Variants in DACH1 observed in about 807,000 individuals in gnomAD.
DACH1 encodes dachshund homolog 1.
A neutral mutation model predicts 54.2 loss-of-function variants in DACH1; 12 were observed. That is an observed-to-expected ratio of 0.22 (90% confidence interval 0.14 to 0.36). The LOEUF (loss-of-function observed/expected upper bound fraction) is 0.36. Among genes scored for constraint, DACH1 ranks in the 10% least tolerant of loss-of-function variants. DACH1 has a pLI of 1.00. For synonymous variants in DACH1, 386 were observed against 366.2 expected (o/e 1.05, Z -0.62); for missense variants, 805 against 929.8 (o/e 0.87, Z 1.75).
Position 71,529,189 on chromosome 13 carries a change from T to TGTTTGTTTG in DACH1, c.1570+27834_1570+27835insCAAACAAAC, listed in dbSNP as rs1298937150. ...AAACAATATTGTGATTTGGGTTTTT[T>TGTTTGTTTG]TTTTTTTTTTTTTTTGAGGCAGAAT... On this transcript the variant is annotated intron_variant, in intron 6 of 10. Transcript: ENST00000613252. Among the ~76,000 whole-genome samples, 982 of 146,704 alleles carry TGTTTGTTTG rather than the reference T, an allele frequency of 6.7e-3. 21 individuals are homozygous for TGTTTGTTTG. Among genetic ancestry groups the TGTTTGTTTG allele is most frequent in the African/African-American group, 0.024 (929 of 39,244 alleles).
chr13:71,467,927 G>T (rs1876737139), intron 10 of DACH1, among the ~76,000 whole-genome samples: 1 of 152,084 alleles, frequency 6.6e-6, no homozygotes, highest in African/African-American at 2.4e-5. Flanking sequence ...CTAATCAATA[G>T]TCAATATGCA....
intron 3 of DACH1, among the ~76,000 whole-genome samples, chr13:71,574,483 C>T (rs1182786799): frequency 6.6e-6 from 1 of 152,084 alleles, no homozygotes; most frequent in African/African-American, 2.4e-5. Flanking sequence ...CAATTTAATG[C>T]TTTAGCTCTG....
At chr13:71,462,776 G>T (rs1876192067) in intron 10 of DACH1, among the ~76,000 whole-genome samples, 1 of 151,714 alleles carries the variant, frequency 6.6e-6, no homozygotes, top group African/African-American at 2.4e-5. Flanking sequence ...ATCAAACAGT[G>T]TAATTTACAC....
intron 1 of DACH1, among the ~76,000 whole-genome samples, chr13:71,754,235 C>G (rs181772231): frequency 6.6e-6 from 1 of 152,130 alleles, no homozygotes; most frequent in East Asian, 1.9e-4. Context: ...CCTCTCTGAT[C>G]GTGCCCATTT....
Position 71,866,526 on chromosome 13 carries a change from TGCCGCC to T in DACH1, c.238_243del (p.Gly80_Gly81del), listed in dbSNP as rs748058171. The T allele has an allele frequency of 5.8e-5, 71 of 1,233,910 alleles. No homozygotes were observed. Among genetic ancestry groups the T allele is most frequent in the East Asian group, 5.4e-4 (16 of 29,434 alleles). 76.4% of individuals were successfully genotyped at this position (1,233,910 alleles called of 1,614,324 possible). ...CCGCTGCTGCCGCCGCCGCCTCCGCTGCCGCCGCCGCCGCCGCCGCCGCCGGTAGAG... is the reference window on the plus strand; with the variant it reads ...CCGCTGCTGCCGCCGCCGCCTCCGCTGCCGCCGCCGCCGCCGCCGGTAGAG... On this transcript the variant is annotated inframe_deletion, in exon 1 of 11. Coordinates refer to ENST00000613252, the MANE Select transcript of DACH1 (RefSeq NM_080759.6).
intron 3 of DACH1, 105 bp downstream of exon 3, chr13:71,630,451 T>A: frequency 7.0e-7 from 1 of 1,436,576 alleles, no homozygotes. Flanking sequence ...AAGCTAAAAG[T>A]GCCAACTTTT....
chr13:71,836,056 G>C (rs1361277502), intron 1 of DACH1, among the ~76,000 whole-genome samples: 1 of 151,928 alleles, frequency 6.6e-6, no homozygotes, highest in Non-Finnish European at 1.5e-5. Flanking sequence ...GTTTATCATA[G>C]GTACTCAGAT....
rs889396894 is a variant in DACH1, at chr13:71,754,792, C to T, written c.849-72882G>A. 4.0e-5 allele frequency among the ~76,000 whole-genome samples: 6 copies of T among 149,008 alleles called. No individual in the cohort carries two copies. The South Asian group carries it at 1.0e-3, about 26-fold the overall frequency. On this transcript the variant is annotated intron_variant, in intron 1 of 10. Coordinates refer to ENST00000613252, the MANE Select transcript of DACH1 (RefSeq NM_080759.6). ...GCACAACTCTGCAAAACGTAAAAAA[C>T]GCCACTATCTGGTGATTCACTGCAT...
At chr13:71,477,319 C>T (rs878957528) in intron 8 of DACH1, among the ~76,000 whole-genome samples, 4 of 151,222 alleles carry the variant, frequency 2.6e-5, no homozygotes, top group Admixed American at 2.6e-4. Context: ...GGCGCGGTTT[C>T]ACCTTGTTAG....
intron 3 of DACH1, among the ~76,000 whole-genome samples, chr13:71,628,253 T>C (rs1038291599): frequency 6.6e-6 from 1 of 152,034 alleles, no homozygotes; most frequent in Non-Finnish European, 1.5e-5. Context: ...CCTTCACCAC[T>C]GCTTTGTACC....
intron 6 of DACH1, among the ~76,000 whole-genome samples, chr13:71,528,713 A>G (rs983130474): frequency 6.6e-6 from 1 of 152,066 alleles, no homozygotes; most frequent in African/African-American, 2.4e-5. Flanking sequence ...GTTTCCCTTC[A>G]TGATAGTTGT....
At chr13:71,462,510 C>G (rs947344784) in intron 10 of DACH1, among the ~76,000 whole-genome samples, 1 of 151,142 alleles carries the variant, frequency 6.6e-6, no homozygotes, top group African/African-American at 2.4e-5. Flanking sequence ...AGCTATGTAT[C>G]ACATACAGAA....
intron 1 of DACH1, among the ~76,000 whole-genome samples, chr13:71,743,038 G>A (rs1884463425): frequency 6.6e-6 from 1 of 152,012 alleles, no homozygotes; most frequent in Admixed American, 6.6e-5. Flanking sequence ...CTGAAGTCCT[G>A]GTATTTACAC....
intron 10 of DACH1, among the ~76,000 whole-genome samples, chr13:71,468,145 A>T (rs1401506663): frequency 6.6e-6 from 1 of 152,220 alleles, no homozygotes; most frequent in African/African-American, 2.4e-5. Flanking sequence ...TATTATAAAC[A>T]CAAGTCGATT....
At chr13:71,444,459 G>A (rs1020100468) in intron 10 of DACH1, among the ~76,000 whole-genome samples, 11 of 151,864 alleles carry the variant, frequency 7.2e-5, no homozygotes, top group African/African-American at 1.2e-4. Context: ...AGAGGGAACC[G>A]AGACCTTGTC....
chr13:71,831,429 G>C (rs1018259726), intron 1 of DACH1, among the ~76,000 whole-genome samples: 1 of 151,810 alleles, frequency 6.6e-6, no homozygotes, highest in Non-Finnish European at 1.5e-5. Flanking sequence ...TGCTAGTGAT[G>C]TTTTGATCTC....
intron 1 of DACH1, among the ~76,000 whole-genome samples, chr13:71,804,878 T>C (rs1362306870): frequency 6.6e-6 from 1 of 152,222 alleles, no homozygotes; most frequent in Non-Finnish European, 1.5e-5. Flanking sequence ...ATTTATATCT[T>C]ATCTTACCTA....
chr13:71,652,088 G>C (rs1218836167), intron 2 of DACH1, among the ~76,000 whole-genome samples: 1 of 151,982 alleles, frequency 6.6e-6, no homozygotes, highest in African/African-American at 2.4e-5. Context: ...TATGACATAG[G>C]TACCTAATAA....
At chr13:71,839,477 G>A (rs957069561) in intron 1 of DACH1, among the ~76,000 whole-genome samples, 1 of 151,950 alleles carries the variant, frequency 6.6e-6, no homozygotes, top group Non-Finnish European at 1.5e-5. Context: ...TGTGGTGGCG[G>A]GCGCCTGTAG....
Sources: allele counts gnomAD v4.1 joint callset (sites outside exome capture counted in the v4.1 genomes callset), GRCh38; gene constraint gnomAD v4.1.1; transcripts MANE v1.5; gene names NCBI Gene and HGNC (gene_info 2026-07-23, HGNC 2026-07-21).